MAGI1: variants seen among roughly 807,000 people sequenced by gnomAD.
The protein encoded by MAGI1 is membrane-associated guanylate kinase, WW and PDZ domain-containing protein 1.
Under a neutral mutation model 139.9 loss-of-function variants are expected in MAGI1, and 58 were observed. The ratio of observed to expected loss-of-function variants is 0.41; its 90% CI spans 0.34 to 0.52. The LOEUF (loss-of-function observed/expected upper bound fraction) is 0.52, where lower values mean the gene tolerates loss of function less well. MAGI1 is among the 20% of genes least tolerant of loss of function. The pLI is 0.12. For missense variants in MAGI1, 1,874 were observed against 1,901.6 expected (o/e 0.99, Z 0.27); for synonymous variants, 812 against 737.9 (o/e 1.10, Z -1.63).
chr3:65,518,576 A>T (rs1331834899), intron 2 of MAGI1, among the ~76,000 whole-genome samples: 1 of 152,208 alleles, frequency 6.6e-6, no homozygotes, highest in African/African-American at 2.4e-5. Flanking sequence ...TGTGACTTGG[A>T]ATCCCAAATA....
chr3:65,950,403 G>A (rs2063779708), intron 1 of MAGI1, among the ~76,000 whole-genome samples: 1 of 151,936 alleles, frequency 6.6e-6, no homozygotes, highest in African/African-American at 2.4e-5. Flanking sequence ...ATTCTCCCAT[G>A]GCCCCAAAAG....
At chr3:65,966,037 ACCAACTGGAGTGTGGTTTGTCCT>A (rs1459003846) in intron 1 of MAGI1, among the ~76,000 whole-genome samples, 5 of 152,194 alleles carry the variant, frequency 3.3e-5, no homozygotes. Context: ...AGGGTAAATG[ACCAACTGGAGTGTGGTTTGTCCT>A]CAAAACTTCC....
In MAGI1 at chr3:65,730,854, G is replaced by C. The variant is rs73131784; in HGVS notation, c.314-108766C>G. ...ATTGTGAGAGGCTGAAGTGTTGTCAGAGCTGTAGAACAGAATCTGTTATTG... is the reference window on the plus strand; with the variant it reads ...ATTGTGAGAGGCTGAAGTGTTGTCACAGCTGTAGAACAGAATCTGTTATTG... On this transcript the variant is annotated intron_variant, in intron 1 of 22. Transcript: ENST00000402939. Among the ~76,000 whole-genome samples, 317 of 152,094 alleles carry C rather than the reference G, an allele frequency of 2.1e-3. 3 individuals carry two copies. The highest frequency in any genetic ancestry group is 3.4e-3 in the Non-Finnish European group (232 of 67,978).
At chr3:65,514,494 C>T (rs1362443476) in intron 2 of MAGI1, among the ~76,000 whole-genome samples, 4 of 150,404 alleles carry the variant, frequency 2.7e-5, no homozygotes, top group African/African-American at 9.9e-5. Context: ...AAAAACTGGG[C>T]GAATGACATG....
chr3:65,921,860 G>A (rs541236093), intron 1 of MAGI1, among the ~76,000 whole-genome samples: 3 of 151,326 alleles, frequency 2.0e-5, no homozygotes, highest in African/African-American at 7.3e-5. Context: ...GAGCCACGAT[G>A]GCGCCACTGC....
intron 3 of MAGI1, 54 bp downstream of exon 3, chr3:65,493,458 T>C (rs965294990): frequency 1.9e-6 from 3 of 1,610,050 alleles, no homozygotes; most frequent in Admixed American, 3.4e-5. Flanking sequence ...TGGCTCTGGC[T>C]CCTCTCAAGT....
At chr3:65,452,090 T>G (rs962403695) in intron 6 of MAGI1, among the ~76,000 whole-genome samples, 1 of 152,150 alleles carries the variant, frequency 6.6e-6, no homozygotes, top group Non-Finnish European at 1.5e-5. Context: ...GAACCTGTTC[T>G]ATTCCTTCTT....
chr3:65,733,241 G>A (rs955638806), intron 1 of MAGI1, among the ~76,000 whole-genome samples: 9 of 152,056 alleles, frequency 5.9e-5, no homozygotes, highest in Non-Finnish European at 1.3e-4. Flanking sequence ...TGTATTTTTA[G>A]TAGAAATGGG....
At chr3:65,872,123 T>C (rs567553582) in intron 1 of MAGI1, among the ~76,000 whole-genome samples, 36 of 152,186 alleles carry the variant, frequency 2.4e-4, no homozygotes, top group Non-Finnish European at 3.8e-4. Flanking sequence ...CATGGGGTTG[T>C]TGTAAAGATC....
Position 65,433,326 on chromosome 3 carries a change from T to TA in MAGI1, c.1364-2446dup, listed in dbSNP as rs200209708. Among the ~76,000 whole-genome samples the TA allele has an allele frequency of 5.8e-3, 875 of 151,424 alleles. 5 individuals are homozygous for TA. Among genetic ancestry groups the TA allele is most frequent in the Non-Finnish European group, 0.01 (684 of 67,782 alleles). On this transcript the variant is annotated intron_variant, in intron 10 of 22. Transcript: ENST00000402939. ...AAATGTGCCTGGCAGTTTATCTACTTAAAAAAAAATACATTAGCATATTTT... is the reference window on the plus strand; with the variant it reads ...AAATGTGCCTGGCAGTTTATCTACTTAAAAAAAAAATACATTAGCATATTTT...
intron 1 of MAGI1, among the ~76,000 whole-genome samples, chr3:65,625,906 T>A (rs1260351704): frequency 6.6e-6 from 1 of 152,200 alleles, no homozygotes; most frequent in Non-Finnish European, 1.5e-5. Context: ...ATTTAGTGTG[T>A]GGTTAATGTA....
intron 1 of MAGI1, among the ~76,000 whole-genome samples, chr3:65,650,385 C>T (rs1293198246): frequency 6.6e-6 from 1 of 152,208 alleles, no homozygotes; most frequent in Non-Finnish European, 1.5e-5. Flanking sequence ...AACCTGTGCA[C>T]ACGTGTTTTT....
At chr3:66,012,003 C>T (rs1310137528) in intron 1 of MAGI1, among the ~76,000 whole-genome samples, 1 of 152,070 alleles carries the variant, frequency 6.6e-6, no homozygotes, top group Non-Finnish European at 1.5e-5. Context: ...ATGTCCAATA[C>T]TTCCTTTTTC....
chr3:65,786,190 A>C (rs1020420163), intron 1 of MAGI1, among the ~76,000 whole-genome samples: 12 of 149,408 alleles, frequency 8.0e-5, no homozygotes, highest in Non-Finnish European at 1.6e-4. Flanking sequence ...TTCTAACCTC[A>C]GGTGATCTGG....
chr3:65,477,718 T>A (rs866009383), intron 4 of MAGI1, among the ~76,000 whole-genome samples: 5,813 of 144,970 alleles, frequency 0.04, 387 homozygotes, highest in African/African-American at 0.14. Flanking sequence ...ATTATTTTTT[T>A]TTTTTTATTT....
At chr3:65,683,838 T>C (rs775017825) in intron 1 of MAGI1, among the ~76,000 whole-genome samples, 1 of 151,920 alleles carries the variant, frequency 6.6e-6, no homozygotes, top group African/African-American at 2.4e-5. Flanking sequence ...ATTACACTCA[T>C]ACTGCTGGTG....
intron 1 of MAGI1, among the ~76,000 whole-genome samples, chr3:65,855,513 G>A (rs1307190572): frequency 1.4e-5 from 2 of 143,334 alleles, no homozygotes; most frequent in Non-Finnish European, 3.0e-5. Context: ...AGGCAGGGGG[G>A]ATCACTTAAG....
intron 2 of MAGI1, among the ~76,000 whole-genome samples, chr3:65,567,951 T>C (rs889635000): frequency 6.6e-6 from 1 of 152,250 alleles, no homozygotes; most frequent in African/African-American, 2.4e-5. Context: ...AACATGACTC[T>C]AGCAAATCTC....
chr3:66,015,694 A>T (rs1426573183), intron 1 of MAGI1, among the ~76,000 whole-genome samples: 1 of 151,966 alleles, frequency 6.6e-6, no homozygotes, highest in Non-Finnish European at 1.5e-5. Context: ...TAAGCAATAA[A>T]TGTCTAGTAG....
Sources: allele counts gnomAD v4.1 joint callset (sites outside exome capture counted in the v4.1 genomes callset), GRCh38; gene constraint gnomAD v4.1.1; transcripts MANE v1.5; gene names NCBI Gene and HGNC (gene_info 2026-07-23, HGNC 2026-07-21).